The following ADGRL2 variants were observed in gnomAD, a reference collection of about 807,000 sequenced individuals.
The protein encoded by ADGRL2 is adhesion G protein-coupled receptor L2.
ADGRL2 carries 44 observed loss-of-function variants against 157.4 expected under a neutral mutation model. The observed-to-expected ratio is 0.28, with a 90% confidence interval of 0.22 to 0.36. The LOEUF is 0.36. Among genes scored for constraint, ADGRL2 ranks in the 10% least tolerant of loss-of-function variants. The pLI is 1.00. For missense variants in ADGRL2, 1,510 were observed against 1,768.9 expected (o/e 0.85, Z 2.63); for synonymous variants, 585 against 624.7 (o/e 0.94, Z 0.95).
chr1:81,673,332 A>G (rs1030777121), intron 3 of ADGRL2, among the ~76,000 whole-genome samples: 7 of 152,164 alleles, frequency 4.6e-5, no homozygotes, highest in African/African-American at 1.4e-4. Flanking sequence ...TCAAGGCCCA[A>G]CAAAATTCCT....
intron 1 of ADGRL2, among the ~76,000 whole-genome samples, chr1:81,813,811 C>T (rs1162978465): frequency 1.3e-5 from 2 of 151,504 alleles, no homozygotes; most frequent in South Asian, 2.1e-4. Context: ...CCTTTTTTCC[C>T]CCTAATACTA....
chr1:81,545,388 G>A (rs2079990986), intron 2 of ADGRL2, among the ~76,000 whole-genome samples: 1 of 151,642 alleles, frequency 6.6e-6, no homozygotes, highest in Admixed American at 6.6e-5. Flanking sequence ...CCAGGTTCAA[G>A]TGATTCTCCT....
At chr1:81,684,664 T>G (rs570637459) in intron 3 of ADGRL2, among the ~76,000 whole-genome samples, 1 of 152,342 alleles carries the variant, frequency 6.6e-6, no homozygotes, top group East Asian at 1.9e-4. Context: ...TAGCTTTCTT[T>G]ATTGCATTTG....
At chr1:81,721,787 G>T in intron 1 of ADGRL2, 1 of 1,323,596 alleles carries the variant, frequency 7.6e-7, no homozygotes. Flanking sequence ...CTTCCTGAGG[G>T]AGTGGGTGGG....
chr1:81,805,730 TA>T (rs5775635), intron 1 of ADGRL2, among the ~76,000 whole-genome samples: 22,463 of 137,354 alleles, frequency 0.16, 1,711 homozygotes, highest in South Asian at 0.19. Flanking sequence ...CTTTAGTGGT[TA>T]AAAAAAAAAA....
intron 1 of ADGRL2, among the ~76,000 whole-genome samples, chr1:81,710,211 G>A (rs2083878181): frequency 6.6e-6 from 1 of 152,094 alleles, no homozygotes; most frequent in South Asian, 2.1e-4. Context: ...CCCATATGAA[G>A]CACCTCACGA....
chr1:81,519,461 GA>G (rs200662586), intron 2 of ADGRL2, among the ~76,000 whole-genome samples: 8 of 149,752 alleles, frequency 5.3e-5, no homozygotes, highest in South Asian at 2.1e-4. Context: ...AGCAGTGAAA[GA>G]AAAAAAAATA....
chr1:81,727,674 G>A (rs1350575562), intron 1 of ADGRL2, among the ~76,000 whole-genome samples: 4 of 152,054 alleles, frequency 2.6e-5, no homozygotes, highest in African/African-American at 7.2e-5. Flanking sequence ...CTCATGATCC[G>A]TCCGCCTCAG....
chr1:81,390,752 C>A (rs1340477320), intron 1 of ADGRL2, among the ~76,000 whole-genome samples: 1 of 152,308 alleles, frequency 6.6e-6, no homozygotes, highest in Non-Finnish European at 1.5e-5. Context: ...TATTGATCTA[C>A]CATCTTCTTT....
chr1:81,984,464 C>T, intron 19 of ADGRL2, 119 bp from the exon 20 acceptor site: 85 of 1,063,522 alleles, frequency 8.0e-5, no homozygotes, highest in East Asian at 2.6e-4. Context: ...TTATTTTCTC[C>T]ACGGATAAGT....
chr1:81,472,787 A>T (rs150723119), intron 2 of ADGRL2, among the ~76,000 whole-genome samples: 1 of 152,372 alleles, frequency 6.6e-6, no homozygotes, highest in African/African-American at 2.4e-5. Flanking sequence ...GATGAGAAAT[A>T]AAATTTTAAG....
chr1:81,553,400 C>T (rs964987588), intron 2 of ADGRL2, among the ~76,000 whole-genome samples: 3 of 152,174 alleles, frequency 2.0e-5, no homozygotes, highest in Non-Finnish European at 2.9e-5. Context: ...AAATTTTTCA[C>T]ATCTTTAATG....
chr1:81,940,648 A>G (rs949667448), intron 4 of ADGRL2, among the ~76,000 whole-genome samples: 2 of 151,614 alleles, frequency 1.3e-5, no homozygotes, highest in Non-Finnish European at 1.5e-5. Context: ...GAATTATTGT[A>G]ACTTTTAAAA....
Position 81,720,179 on chromosome 1 carries a change from C to CTTTTT in ADGRL2, c.-143+20375_-143+20376insTTTTT, listed in dbSNP as rs370916970. 3.6e-5 allele frequency among the ~76,000 whole-genome samples: 5 copies of CTTTTT among 138,886 alleles called. 1 individual carries two copies. Among genetic ancestry groups the CTTTTT allele is most frequent in the Non-Finnish European group, 6.3e-5 (4 of 63,640 alleles). 91.1% of individuals were successfully genotyped at this position (138,886 alleles called of 152,430 possible). A position where few individuals can be genotyped will look rare whatever the true frequency, so the allele number is the denominator to read the frequency against. Reference sequence around the variant, plus strand: ...TGAAATTAAAAGCATTCCTTTTTTTCTTTTCTTTTTTTTTTTTTTTTGAGA... The same window carrying CTTTTT: ...TGAAATTAAAAGCATTCCTTTTTTTCTTTTTTTTTCTTTTTTTTTTTTTTTTGAGA... On this transcript the variant is annotated intron_variant, in intron 1 of 20. Coordinates refer to the ADGRL2 transcript ENST00000359929.
At chr1:81,717,605 T>C (rs888767329) in intron 1 of ADGRL2, among the ~76,000 whole-genome samples, 7 of 152,346 alleles carry the variant, frequency 4.6e-5, no homozygotes, top group Non-Finnish European at 1.0e-4. Context: ...ATATTTTATA[T>C]TTCAAATACA....
rs767511606 is a variant in ADGRL2 at position 81,943,342 on chromosome 1, A to T, written c.783A>T (p.Arg261Ser). 1.9e-6 allele frequency: 3 copies of T among 1,613,478 alleles called. No homozygotes were observed. Among genetic ancestry groups the T allele is most frequent in the Non-Finnish European group, 2.5e-6 (3 of 1,179,700 alleles). Residue 261 changes from arginine to serine, a missense_variant, in exon 6 of 24, where the codon AGA (arginine) becomes AGT (serine). By Grantham distance (110) the Arg-to-Ser change is moderately radical. Coordinates refer to ENST00000686636, the MANE Select transcript of ADGRL2 (RefSeq NM_001366006.2). This position sits in a 1 kb window ranked among gnomAD's most constrained non-coding sequence, Gnocchi z 5.6. The stretch of plus-strand genomic sequence containing the variant: ...ACTACCATGATACCTCACCATACAG[A>T]TGGGGAGGAAAGACTGATATCGACC... ...YANYHDTSPYRWGGKTDIDLA... is the reference protein window; with the variant it reads ...YANYHDTSPYSWGGKTDIDLA...
intron 1 of ADGRL2, among the ~76,000 whole-genome samples, chr1:81,387,602 G>A (rs375681593): frequency 1.3e-5 from 2 of 152,120 alleles, no homozygotes. Context: ...ACTAAACAAG[G>A]GAGTTTACCC....
At chr1:81,500,033 G>T (rs2078812735) in intron 2 of ADGRL2, among the ~76,000 whole-genome samples, 1 of 152,160 alleles carries the variant, frequency 6.6e-6, no homozygotes, top group Admixed American at 6.5e-5. Flanking sequence ...TTAACTCAGT[G>T]TCAGTCACTT....
intron 3 of ADGRL2, among the ~76,000 whole-genome samples, chr1:81,621,575 G>A (rs560194350): frequency 1.3e-5 from 2 of 152,224 alleles, no homozygotes; most frequent in East Asian, 3.9e-4. Flanking sequence ...TACACAGCTG[G>A]AAAGAAATGA....
Sources: gnomAD v4.1 joint callset for allele counts (sites outside exome capture counted in the v4.1 genomes callset) on GRCh38, gnomAD v4.1.1 for gene constraint, Gnocchi (gnomAD v3.1) non-coding constraint, MANE v1.5 for transcripts, NCBI Gene and HGNC (gene_info 2026-07-23, HGNC 2026-07-21) for gene names.